The following USP54 variants were observed in gnomAD, a reference collection of about 807,000 sequenced individuals.
The protein encoded by USP54 is ubiquitin specific peptidase 54.
A neutral mutation model predicts 170.5 loss-of-function variants in USP54; 87 were observed. The ratio of observed to expected loss-of-function variants is 0.51; its 90% CI spans 0.43 to 0.61. The LOEUF is 0.61. Ranked by LOEUF, USP54 falls within the 20% of genes least tolerant of loss-of-function variation. USP54 has a pLI of 0.00. For synonymous variants in USP54, 655 were observed against 742.8 expected, an observed-to-expected ratio of 0.88 and a Z score of 1.92; for missense variants, 1,786 against 2,047.8, an observed-to-expected ratio of 0.87 and a Z score of 2.47.
In USP54 at chr10:73,505,287, C is replaced by G. The variant is rs4412683; in HGVS notation, c.4170+21G>C. 12 of 1,603,634 alleles carry G rather than the reference C, an allele frequency of 7.5e-6. No individual in the cohort carries two copies. The Admixed American group carries it at 1.8e-4, about 25-fold the overall frequency. On this transcript the variant is annotated intron_variant, in intron 21 of 23. Coordinates refer to ENST00000687698, the MANE Select transcript of USP54 (RefSeq NM_001391956.1). ...CAACACACCACCCCAGGCCCAGCAC[C>G]TTAGCACCTGAGGCTGCTACCTGAG... is the stretch of plus-strand genomic sequence containing the variant.
chr10:73,564,901 CAAAAAAAAAAA>C (rs199823108), intron 4 of USP54, among the ~76,000 whole-genome samples: 17 of 66,442 alleles, frequency 2.6e-4, no homozygotes, highest in Admixed American at 2.1e-3. Context: ...TCATCTCTAC[CAAAAAAAAAAA>C]AAAAAAAAAA....
chr10:73,517,277 T>C lies in USP54; in HGVS notation c.3149A>G (p.Glu1050Gly). ...TGAAGGACTACAGCCTAGGCTGTGT[T>C]CATCACCCCTCTCAGAGGTGGCTAT... is the stretch of plus-strand genomic sequence containing the variant. ...PGIATSERGD[E>G]HSLGCSPSNS... is the part of the protein sequence containing the mutation. Residue 1050 changes from glutamate to glycine, a missense_variant, in exon 20 of 24, where the codon GAA (glutamate) becomes GGA (glycine). Glu to Gly is a moderately conservative substitution (Grantham distance 98). Coordinates refer to ENST00000687698, the MANE Select transcript of USP54 (RefSeq NM_001391956.1). 1 of 1,613,652 alleles carries C rather than the reference T, an allele frequency of 6.2e-7. No homozygotes were observed. Among genetic ancestry groups the C allele is most frequent in the Non-Finnish European group, 8.5e-7 (1 of 1,179,720 alleles).
chr10:73,509,802 G>A (rs573305562), intron 20 of USP54, among the ~76,000 whole-genome samples: 51 of 151,874 alleles, frequency 3.4e-4, no homozygotes, highest in African/African-American at 1.2e-3. Context: ...GAGCTCAGGA[G>A]GTAGAGACCA....
Position 73,526,729 on chromosome 10 carries a change from G to A in USP54, c.2112C>T (p.Ile704=). 1 of 1,614,090 alleles carries A rather than the reference G, an allele frequency of 6.2e-7. No homozygotes were observed. The highest frequency in any genetic ancestry group is 1.3e-5 in the African/African-American group (1 of 75,028). Residue 704 remains isoleucine, a synonymous_variant, in exon 16 of 24, where the codon ATC becomes ATT. Coordinates refer to ENST00000687698, the MANE Select transcript of USP54 (RefSeq NM_001391956.1). ...GGATGCTACTGCTGTGCGACTTTGGGATATGACGCCAGGAAGGAACCAACC... is the reference window on the plus strand; with the variant it reads ...GGATGCTACTGCTGTGCGACTTTGGAATATGACGCCAGGAAGGAACCAACC... ...SAGLVPSWRH[I]PKSHSSSILE... is the part of the protein sequence containing the mutation.
In USP54 at chr10:73,541,717, C is replaced by T. The variant is rs775735085; in HGVS notation, c.594G>A (p.Leu198=). 6.2e-7 allele frequency: 1 copy of T among 1,614,150 alleles called. No individual in the cohort carries two copies. Among genetic ancestry groups the T allele is most frequent in the Admixed American group, 1.7e-5 (1 of 60,002 alleles). The part of the protein sequence containing the change: ...TSLCNQAICM[L]ERREKPSPSM... ...TTGGTGAAGGTTTCTCTCGTCTTTC[C>T]AGCATACAAATAGCCTGATTGCTTC... Residue 198 remains leucine (L), a synonymous_variant, in exon 8 of 24, where the codon CTG becomes CTA. Transcript: ENST00000687698.
chr10:73,612,347 CT>C (rs1164790410), intron 1 of USP54, among the ~76,000 whole-genome samples: 7 of 151,654 alleles, frequency 4.6e-5, no homozygotes, highest in Non-Finnish European at 1.0e-4. Context: ...CAAAAGTAGG[CT>C]TTTTCCCCCT....
intron 23 of USP54, among the ~76,000 whole-genome samples, chr10:73,500,191 A>C (rs1272667561): frequency 1.3e-5 from 2 of 152,250 alleles, no homozygotes; most frequent in East Asian, 3.8e-4. Flanking sequence ...GGGTCTGTAC[A>C]CATGGTGTGG....
At chr10:73,612,352 TC>T (rs145441690) in intron 1 of USP54, among the ~76,000 whole-genome samples, 4,902 of 152,234 alleles carry the variant, frequency 0.032, 103 homozygotes, top group Non-Finnish European at 0.053. Context: ...GTAGGCTTTT[TC>T]CCCCTTGTTT....
chr10:73,536,373 A>C lies in USP54; in HGVS notation c.1040T>G (p.Leu347Arg). ...CIKGHYQPLL[L>R]LYADPQGTPV... Reference sequence around the variant, plus strand: ...GGTACCCTGGGGATCTGCATAAAGCAGCAGCAGGGGCTGATAATGCCCCTT... The same window carrying C: ...GGTACCCTGGGGATCTGCATAAAGCCGCAGCAGGGGCTGATAATGCCCCTT... Residue 347 changes from leucine to arginine, a missense_variant, in exon 11 of 24, where the codon CTG (leucine) becomes CGG (arginine). Coordinates refer to ENST00000687698, the MANE Select transcript of USP54 (RefSeq NM_001391956.1). 6.2e-7 allele frequency: 1 copy of C among 1,609,564 alleles called. No homozygotes were observed. The highest frequency in any genetic ancestry group is 8.5e-7 in the Non-Finnish European group (1 of 1,177,672).
At chr10:73,542,044 A>C (rs1192526636) in intron 7 of USP54, among the ~76,000 whole-genome samples, 1 of 152,216 alleles carries the variant, frequency 6.6e-6, no homozygotes. Flanking sequence ...CTGCATTCCT[A>C]CAATATAGCA....
At chr10:73,530,867 T>C in intron 12 of USP54, 32 bp from the exon 13 acceptor site, 1 of 1,612,394 alleles carries the variant, frequency 6.2e-7, no homozygotes, top group South Asian at 1.1e-5. Flanking sequence ...GGTAAGCTGG[T>C]ATCTGAGACT....
At chr10:73,541,759 G>C in intron 7 of USP54, 21 bp from the exon 8 acceptor site, 1 of 1,606,030 alleles carries the variant, frequency 6.2e-7, no homozygotes, top group Non-Finnish European at 8.5e-7. Flanking sequence ...GGGAATAGAA[G>C]GGGGATGATG....
At chr10:73,509,439 CA>C (rs1229372512) in intron 20 of USP54, among the ~76,000 whole-genome samples, 136 of 106,756 alleles carry the variant, frequency 1.3e-3, no homozygotes, top group Admixed American at 3.1e-3. Flanking sequence ...CTGTCTCTAC[CA>C]AAAAAAAAAA....
At chr10:73,554,015 G>C (rs1238460413) in intron 4 of USP54, among the ~76,000 whole-genome samples, 1 of 152,180 alleles carries the variant, frequency 6.6e-6, no homozygotes, top group Non-Finnish European at 1.5e-5. Flanking sequence ...AAAACAGAAA[G>C]TCTTTATGCT....
At chr10:73,613,665 G>C (rs1228941726) in intron 1 of USP54, among the ~76,000 whole-genome samples, 1 of 151,476 alleles carries the variant, frequency 6.6e-6, no homozygotes, top group African/African-American at 2.4e-5. Context: ...ACCACCTGAG[G>C]CCAGGAGTTT....
intron 3 of USP54, among the ~76,000 whole-genome samples, chr10:73,571,840 C>A (rs1041605213): frequency 9.9e-5 from 15 of 152,096 alleles, no homozygotes; most frequent in Non-Finnish European, 1.9e-4. Flanking sequence ...TCATTATCCA[C>A]ACAAGAAAAG....
At chr10:73,510,029 G>C (rs1482360347) in intron 20 of USP54, among the ~76,000 whole-genome samples, 4 of 152,008 alleles carry the variant, frequency 2.6e-5, no homozygotes, top group Non-Finnish European at 5.9e-5. Context: ...AGGAAAGTGG[G>C]GGAGGTATAG....
At chr10:73,565,021 T>C (rs1196532561) in intron 4 of USP54, among the ~76,000 whole-genome samples, 1 of 151,466 alleles carries the variant, frequency 6.6e-6, no homozygotes, top group East Asian at 2.0e-4. Context: ...TGCAGTGAGC[T>C]ATGACTGGTA....
intron 20 of USP54, among the ~76,000 whole-genome samples, chr10:73,510,499 T>G (rs1404687301): frequency 6.6e-6 from 1 of 150,448 alleles, no homozygotes; most frequent in Non-Finnish European, 1.5e-5. Context: ...TTGCCCAGGC[T>G]GTAGTGCAAT....
Sources: gnomAD v4.1 joint callset for allele counts (sites outside exome capture counted in the v4.1 genomes callset) on GRCh38, gnomAD v4.1.1 for gene constraint, MANE v1.5 for transcripts, NCBI Gene and HGNC (gene_info 2026-07-23, HGNC 2026-07-21) for gene names.